The following IGF2R variants were observed in gnomAD, a reference collection of about 807,000 sequenced individuals.
IGF2R encodes cation-independent mannose-6-phosphate receptor.
In IGF2R, 91 loss-of-function variants were observed where a neutral mutation model predicts 270.6. The ratio of observed to expected loss-of-function variants is 0.34; its 90% CI spans 0.28 to 0.40. The LOEUF (loss-of-function observed/expected upper bound fraction) is 0.40, where lower values mean the gene tolerates loss of function less well. Ranked by LOEUF, IGF2R falls within the 10% of genes least tolerant of loss-of-function variation. The pLI is 1.00. For synonymous variants in IGF2R, 1,316 were observed against 1,258.9 expected, an observed-to-expected ratio of 1.05 and a Z score of -0.96; for missense variants, 2,805 against 3,188.3, an observed-to-expected ratio of 0.88 and a Z score of 2.90.
chr6:160,034,035 A>G (rs574878515), intron 9 of IGF2R, among the ~76,000 whole-genome samples: 10 of 152,194 alleles, frequency 6.6e-5, no homozygotes, highest in Non-Finnish European at 1.5e-4. Context: ...CTTCTTTCAA[A>G]TTGTTCAGGA....
chr6:160,080,952 C>T (rs1778967446), intron 39 of IGF2R, among the ~76,000 whole-genome samples: 1 of 130,146 alleles, frequency 7.7e-6, no homozygotes, highest in African/African-American at 3.1e-5. Context: ...CCCGTCTCTA[C>T]TAAAAATACA....
chr6:160,041,518 C>T (rs1777945608), intron 11 of IGF2R, among the ~76,000 whole-genome samples: 2 of 152,072 alleles, frequency 1.3e-5, no homozygotes, highest in Admixed American at 6.5e-5. Context: ...GAGGATGGAT[C>T]AGTAGGTGCA....
At position 159,989,107 on chromosome 6, in the gene IGF2R, C is replaced by T. The variant is rs547918535; in HGVS notation, c.150-2077C>T. Among the ~76,000 whole-genome samples, 4 of 152,320 alleles carry T rather than the reference C, an allele frequency of 2.6e-5. No individual in the cohort carries two copies. In the South Asian group the frequency reaches 8.3e-4, roughly 32 times the overall value. On this transcript the variant is annotated intron_variant, in intron 1 of 47. Coordinates refer to ENST00000356956, the MANE Select transcript of IGF2R (RefSeq NM_000876.4). ...GGGCACCTGAGTACCCCAGCCTGCT[C>T]TTCAGGTCTGTAGCTGCTTAGTGGC... is the stretch of plus-strand genomic sequence containing the variant.
In IGF2R at chr6:160,079,729, C is replaced by T; in HGVS notation, c.5628C>T (p.Tyr1876=). ...FGRLQSMKLD[Y]RHQDEAVVLS... is the part of the protein sequence containing the mutation. ...GGCTGCAATCAATGAAACTGGATTA[C>T]AGGCACCAGGATGAAGCGGTCGTTT... The change falls in exon 38 of 48, where the codon TAC becomes TAT. Residue 1876 remains tyrosine, a synonymous_variant. Coordinates refer to ENST00000356956, the MANE Select transcript of IGF2R (RefSeq NM_000876.4). The T allele has an allele frequency of 1.3e-6, 2 of 1,496,022 alleles. No individual in the cohort carries two copies. The highest frequency in any genetic ancestry group is 8.9e-7 in the Non-Finnish European group (1 of 1,121,660). The allele number at this position is 1,496,022 out of a possible 1,614,324, so 92.7% of individuals were successfully genotyped here.
At chr6:160,041,013 T>C (rs761562080) in intron 11 of IGF2R, among the ~76,000 whole-genome samples, 17 of 152,196 alleles carry the variant, frequency 1.1e-4, no homozygotes, top group Non-Finnish European at 2.1e-4. Context: ...GGGGTTCTTC[T>C]GTTTGGATCC....
Position 160,084,402 on chromosome 6 carries a change from T to C in IGF2R, c.6068+218T>C, listed in dbSNP as rs1268863227. Among the ~76,000 whole-genome samples the C allele has an allele frequency of 6.6e-6, 1 of 152,076 alleles. No homozygotes were observed. Among genetic ancestry groups the C allele is most frequent in the African/African-American group, 2.4e-5 (1 of 41,400 alleles). On this transcript the variant is annotated intron_variant, in intron 40 of 47. Coordinates refer to ENST00000356956, the MANE Select transcript of IGF2R (RefSeq NM_000876.4). This position sits in a 1 kb window ranked among gnomAD's most constrained non-coding sequence, Gnocchi z 4.6. ...GTCAGAGTGGGGGCAGGAGCTTTGG[T>C]GACTGGAAACGGAGCCTCTGGAGCT...
rs1440273084 is a variant in IGF2R, at chr6:160,058,116, A to T, written c.2890A>T (p.Ile964Phe). Residue 964 changes from isoleucine to phenylalanine, a missense_variant, in exon 21 of 48, where the codon ATT (isoleucine) becomes TTT (phenylalanine). Ile to Phe is a conservative substitution (Grantham distance 21). Transcript: ENST00000356956. ...ATATAACGTCTCTGGCATTGGGAAG[A>T]TTTTTATGGTAAGAGCGATATGATG... Reference protein sequence around the residue: ...QGYNVSGIGKIFMFNVCGTMP... With the variant: ...QGYNVSGIGKFFMFNVCGTMP... 1 of 1,604,114 alleles carries T rather than the reference A, an allele frequency of 6.2e-7. No individual in the cohort carries two copies. The highest frequency in any genetic ancestry group is 8.5e-7 in the Non-Finnish European group (1 of 1,170,992).
chr6:160,052,468 T>G (rs527833503), intron 19 of IGF2R, among the ~76,000 whole-genome samples: 54 of 152,324 alleles, frequency 3.5e-4, no homozygotes, highest in African/African-American at 1.2e-3. Context: ...TCCATGCTCA[T>G]GGATAGGAAG....
At chr6:160,053,555 A>G (rs981066417) in intron 19 of IGF2R, among the ~76,000 whole-genome samples, 13 of 152,142 alleles carry the variant, frequency 8.5e-5, no homozygotes, top group African/African-American at 3.1e-4. Flanking sequence ...TCTTCTCTCC[A>G]TGGAAATGCT....
At chr6:160,086,266 A>G (rs3798179) in intron 41 of IGF2R, among the ~76,000 whole-genome samples, 68,851 of 151,954 alleles carry the variant, frequency 0.45, 16,335 homozygotes, top group East Asian at 0.67. Context: ...TTCTCCTGGG[A>G]CTGGCATTTG....
chr6:159,980,200 A>AAAGGAAGAAAGG (rs1562330468), intron 1 of IGF2R, among the ~76,000 whole-genome samples: 3 of 80,706 alleles, frequency 3.7e-5, no homozygotes, highest in African/African-American at 2.1e-4. Flanking sequence ...AGAAAGAAAG[A>AAAGGAAGAAAGG]AAGAAAGAAA....
chr6:159,993,311 G>A (rs971694774), intron 2 of IGF2R, among the ~76,000 whole-genome samples: 11 of 152,104 alleles, frequency 7.2e-5, no homozygotes, highest in Non-Finnish European at 1.3e-4. Flanking sequence ...CTTTGTCTAG[G>A]CCAATGTCCA....
chr6:160,009,253 G>GA (rs909056498), intron 3 of IGF2R, 119 bp downstream of exon 3: 1 of 806,206 alleles, frequency 1.2e-6, no homozygotes, highest in African/African-American at 1.7e-5. Context: ...ACACAAATAA[G>GA]AAAAACCCTA....
At chr6:160,075,560 G>A (rs1778839311) in intron 35 of IGF2R, among the ~76,000 whole-genome samples, 1 of 152,218 alleles carries the variant, frequency 6.6e-6, no homozygotes, top group Non-Finnish European at 1.5e-5. Context: ...TGATGTGACT[G>A]GAGAGATTCC....
At chr6:160,088,749 C>T (rs1359812693) in intron 42 of IGF2R, among the ~76,000 whole-genome samples, 1 of 152,158 alleles carries the variant, frequency 6.6e-6, no homozygotes, top group Admixed American at 6.5e-5. Flanking sequence ...AGCAAATTTT[C>T]CAGGTTTTGA....
intron 4 of IGF2R, among the ~76,000 whole-genome samples, chr6:160,012,300 G>T (rs1784346367): frequency 6.6e-6 from 1 of 152,120 alleles, no homozygotes; most frequent in South Asian, 2.1e-4. Context: ...GGGGTTTGGG[G>T]GTGAGGGTGG....
At chr6:160,104,328 CCCTTCTCCCCCAGCTGCGCT>C (rs1291838526) in intron 47 of IGF2R, among the ~76,000 whole-genome samples, 10 of 151,948 alleles carry the variant, frequency 6.6e-5, no homozygotes, top group Admixed American at 5.9e-4. Flanking sequence ...CCGGAAGAGC[CCCTTCTCCCCCAGCTGCGCT>C]GGGGGATCAC....
chr6:159,973,889 G>T (rs1783649695), intron 1 of IGF2R, among the ~76,000 whole-genome samples: 1 of 152,176 alleles, frequency 6.6e-6, no homozygotes, highest in Non-Finnish European at 1.5e-5. Flanking sequence ...AACTGAGCAG[G>T]CTCTAGAACT....
At chr6:160,042,947 C>T (rs1054637889) in intron 11 of IGF2R, among the ~76,000 whole-genome samples, 3 of 152,022 alleles carry the variant, frequency 2.0e-5, no homozygotes, top group African/African-American at 7.3e-5. Context: ...TTGTTTCTGT[C>T]ACATTAAATG....
Sources: allele counts gnomAD v4.1 joint callset (sites outside exome capture counted in the v4.1 genomes callset), GRCh38; gene constraint gnomAD v4.1.1; non-coding constraint Gnocchi (gnomAD v3.1); transcripts MANE v1.5; gene names NCBI Gene and HGNC (gene_info 2026-07-23, HGNC 2026-07-21).